COL4A2: variants seen among roughly 807,000 people sequenced by gnomAD.
The protein encoded by COL4A2 is collagen type IV alpha 2 chain.
COL4A2 carries 99 observed loss-of-function variants against 200.2 expected under a neutral mutation model. That is an observed-to-expected ratio of 0.49 (90% CI 0.42 to 0.58). The LOEUF (loss-of-function observed/expected upper bound fraction) is 0.58, where lower values mean the gene tolerates loss of function less well. COL4A2 is among the 20% of genes least tolerant of loss of function. The pLI, the probability that COL4A2 is intolerant of heterozygous loss-of-function variation, is 0.00. For missense variants in COL4A2, 1,950 were observed against 2,314.1 expected, an observed-to-expected ratio of 0.84 and a Z score of 3.23; for synonymous variants, 897 against 900.6, an observed-to-expected ratio of 1.00 and a Z score of 0.07.
intron 3 of COL4A2, among the ~76,000 whole-genome samples, chr13:110,328,141 A>G (rs1013173730): frequency 1.3e-5 from 2 of 152,234 alleles, no homozygotes; most frequent in African/African-American, 2.4e-5. Flanking sequence ...AATCTGTTTA[A>G]GAAAAAAATC....
chr13:110,463,120 G>A (rs9521786), intron 24 of COL4A2: 89,239 of 154,060 alleles, frequency 0.58, 26,536 homozygotes, highest in Middle Eastern at 0.74. Flanking sequence ...TCACAGCTCT[G>A]GAGGCTGAAA....
In COL4A2 at chr13:110,504,262, A is replaced by G. The variant is rs202207552; in HGVS notation, c.4400A>G (p.Glu1467Gly). Residue 1467 changes from glutamate (E) to glycine (G), a missense_variant and splice_region_variant, in exon 45 of 48, where the codon GAA (glutamate) becomes GGA (glycine). Glu to Gly is a moderately conservative substitution (Grantham distance 98, BLOSUM62 -2). This residue lies in a region of COL4A2 where 1,385 missense variants were observed against 1,720.5 expected (regional missense o/e 0.80). Transcript: ENST00000360467. ...PIGHQGPIGQ[E>G]GAPGRPGSPG... ...GGCCACCAGGGGCCGATTGGCCAAGAAGGTGAGTGACAGTGGGGAAGGACC... is the reference window on the plus strand; with the variant it reads ...GGCCACCAGGGGCCGATTGGCCAAGGAGGTGAGTGACAGTGGGGAAGGACC... The G allele has an allele frequency of 6.2e-7, 1 of 1,612,202 alleles. No homozygotes were observed. Among genetic ancestry groups the G allele is most frequent in the South Asian group, 1.1e-5 (1 of 91,052 alleles).
chr13:110,507,787 C>T (rs2139559761), intron 46 of COL4A2, 148 bp from the exon 47 acceptor site: 2 of 725,670 alleles, frequency 2.8e-6, no homozygotes, highest in Non-Finnish European at 2.3e-6. Context: ...AATTGGGAAG[C>T]CTTAGCCTGG....
At chr13:110,448,032 G>C (rs1881395816) in intron 18 of COL4A2, among the ~76,000 whole-genome samples, 1 of 152,200 alleles carries the variant, frequency 6.6e-6, no homozygotes, top group African/African-American at 2.4e-5. Context: ...GCGTGGAGCC[G>C]TGAATGGGGA....
At chr13:110,318,980 G>A (rs1885213926) in intron 3 of COL4A2, among the ~76,000 whole-genome samples, 1 of 152,070 alleles carries the variant, frequency 6.6e-6, no homozygotes, top group South Asian at 2.1e-4. Flanking sequence ...AGGTGAAATT[G>A]TCCCTTTGCC....
At chr13:110,335,430 G>A (rs1024177919) in intron 3 of COL4A2, among the ~76,000 whole-genome samples, 1 of 152,032 alleles carries the variant, frequency 6.6e-6, no homozygotes, top group African/African-American at 2.4e-5. Flanking sequence ...TTTAATAAGG[G>A]GAAACCCCTT....
intron 39 of COL4A2, among the ~76,000 whole-genome samples, chr13:110,494,129 C>T (rs1883377010): frequency 6.6e-6 from 1 of 152,214 alleles, no homozygotes; most frequent in Admixed American, 6.5e-5. Context: ...TTATAAACTA[C>T]TGTAGCACAC....
chr13:110,489,641 T>C (rs1883218431), intron 35 of COL4A2, 70 bp from the exon 36 acceptor site: 9 of 1,602,452 alleles, frequency 5.6e-6, no homozygotes, highest in Admixed American at 1.7e-5. Context: ...TATAACAAAA[T>C]AGAAGTTGCA....
intron 4 of COL4A2, among the ~76,000 whole-genome samples, chr13:110,392,927 G>C (rs1879041390): frequency 6.6e-6 from 1 of 152,238 alleles, no homozygotes; most frequent in East Asian, 1.9e-4. Context: ...GCAGGTGGTT[G>C]ATTTTCATCC....
intron 4 of COL4A2, among the ~76,000 whole-genome samples, chr13:110,391,050 C>A (rs1033174330): frequency 2.6e-5 from 4 of 152,182 alleles, no homozygotes; most frequent in African/African-American, 9.7e-5. Context: ...GTTAAGACTT[C>A]TTTTTACGAT....
chr13:110,378,329 C>CA (rs370465758), intron 4 of COL4A2, among the ~76,000 whole-genome samples: 1 of 151,894 alleles, frequency 6.6e-6, no homozygotes, highest in Non-Finnish European at 1.5e-5. Flanking sequence ...AAGTTTTGTC[C>CA]AAAAAAATAG....
intron 18 of COL4A2, among the ~76,000 whole-genome samples, chr13:110,447,949 C>G (rs1234761790): frequency 6.6e-6 from 1 of 152,172 alleles, no homozygotes; most frequent in African/African-American, 2.4e-5. Context: ...TCATCCAATG[C>G]TGATCAAAAC....
At chr13:110,456,587 G>A (rs1266924404) in intron 20 of COL4A2, 1 of 365,096 alleles carries the variant, frequency 2.7e-6, no homozygotes, top group Non-Finnish European at 5.4e-6. Flanking sequence ...CAACCCTGAA[G>A]GCTATCGCCA....
In COL4A2 at chr13:110,340,467, GA is replaced by G. The variant is rs373434017; in HGVS notation, c.100-17004del. Among the ~76,000 whole-genome samples the G allele has an allele frequency of 7.2e-5, 11 of 152,272 alleles. No homozygotes were observed. The East Asian group carries it at 2.1e-3, about 29-fold the overall frequency. ...ACCTTTCCAAAGACTTCATTCTAAA[GA>G]TGTAAAAGAACAAAAAGAGATAAAG... On this transcript the variant is annotated intron_variant, in intron 3 of 47. Coordinates refer to ENST00000360467, the MANE Select transcript of COL4A2 (RefSeq NM_001846.4).
chr13:110,314,481 C>T lies in COL4A2; in HGVS notation c.99+6358C>T, dbSNP rs149911714. ...AAAATACAGCAGAGGTAGACCCAAG[C>T]GAAGCCTGAGTAAAAGGATTTTTGT... is the stretch of plus-strand genomic sequence containing the variant. On this transcript the variant is annotated intron_variant, in intron 3 of 47. Transcript: ENST00000360467. Among the ~76,000 whole-genome samples the T allele has an allele frequency of 7.9e-3, 1,206 of 152,310 alleles. 13 individuals carry two copies. Among genetic ancestry groups the T allele is most frequent in the South Asian group, 0.017 (82 of 4,820 alleles).
At chr13:110,507,885 G>A (rs778659362) in intron 46 of COL4A2, 50 bp from the exon 47 acceptor site, 2 of 1,577,250 alleles carry the variant, frequency 1.3e-6, no homozygotes, top group South Asian at 1.1e-5. Context: ...GCTGGCAGGT[G>A]CGTCTTCTAG....
chr13:110,466,127 C>T (rs1386237195), intron 26 of COL4A2, 65 bp downstream of exon 26: 2 of 1,559,824 alleles, frequency 1.3e-6, no homozygotes, highest in Admixed American at 1.8e-5. Context: ...GCTGGTTAAG[C>T]TCTTGCAGTA....
chr13:110,417,367 G>T (rs556225884), intron 4 of COL4A2, among the ~76,000 whole-genome samples: 51 of 152,184 alleles, frequency 3.4e-4, no homozygotes, highest in African/African-American at 1.1e-3. Context: ...AAGCTCATTT[G>T]CAGGAAAACC....
At chr13:110,352,674 G>A (rs1460403900) in intron 3 of COL4A2, among the ~76,000 whole-genome samples, 8 of 152,178 alleles carry the variant, frequency 5.3e-5, no homozygotes, top group African/African-American at 7.2e-5. Flanking sequence ...GGAAGGTGCC[G>A]GATACGGTTC....
Sources: allele counts gnomAD v4.1 joint callset (sites outside exome capture counted in the v4.1 genomes callset), GRCh38; gene constraint gnomAD v4.1.1; regional missense constraint gnomAD v4.1.1; transcripts MANE v1.5; gene names NCBI Gene and HGNC (gene_info 2026-07-23, HGNC 2026-07-21).